The following GGA3 variants were observed in gnomAD, a reference collection of about 807,000 sequenced individuals.
GGA3 encodes golgi associated, gamma adaptin ear containing, ARF binding protein 3.
GGA3 carries 57 observed loss-of-function variants against 77.5 expected under a neutral mutation model. The observed-to-expected ratio is 0.74, with a 90% CI of 0.59 to 0.92. GGA3 has a LOEUF of 0.92. GGA3 is among the 40% of genes least tolerant of loss of function. The pLI is 0.00. For missense variants in GGA3, 970 were observed against 914.9 expected, an observed-to-expected ratio of 1.06 and a Z score of -0.78; for synonymous variants, 416 against 383.7, an observed-to-expected ratio of 1.08 and a Z score of -0.98.
In GGA3 at chr17:75,238,226, G is replaced by A. The variant is rs1035844287; in HGVS notation, c.*53C>T. On this transcript the variant is annotated 3_prime_UTR_variant, in exon 17 of 17. Coordinates refer to ENST00000537686, the MANE Select transcript of GGA3 (RefSeq NM_138619.4). ...GAGTGACGGGACCAGAGCCCTCCTCGTCTCAGGGCAGCCTGCCTGGCTTCA... is the reference window on the plus strand; with the variant it reads ...GAGTGACGGGACCAGAGCCCTCCTCATCTCAGGGCAGCCTGCCTGGCTTCA... 16 of 1,594,504 alleles carry A rather than the reference G, an allele frequency of 1.0e-5. No individual in the cohort carries two copies. The highest frequency in any genetic ancestry group is 5.6e-5 in the South Asian group (5 of 89,158).
chr17:75,253,631 T>C (rs1413334578), intron 1 of GGA3, among the ~76,000 whole-genome samples: 3 of 152,220 alleles, frequency 2.0e-5, no homozygotes, highest in African/African-American at 7.2e-5. Flanking sequence ...TAAGTCCCGC[T>C]TTTCTAGGGG....
At chr17:75,257,398 T>C (rs1030511890) in intron 1 of GGA3, among the ~76,000 whole-genome samples, 1 of 151,886 alleles carries the variant, frequency 6.6e-6, no homozygotes, top group Non-Finnish European at 1.5e-5. Context: ...TGGTTTACAC[T>C]GTTTCTCCAA....
At chr17:75,254,122 C>T (rs1036989300) in intron 1 of GGA3, among the ~76,000 whole-genome samples, 4 of 152,146 alleles carry the variant, frequency 2.6e-5, no homozygotes, top group Admixed American at 1.3e-4. Context: ...CCTCCCAAAT[C>T]CTCCTTCTTT....
chr17:75,240,834 C>T lies in GGA3; in HGVS notation c.1170G>A (p.Leu390=), dbSNP rs776444369. 39 of 1,612,426 alleles carry T rather than the reference C, an allele frequency of 2.4e-5. No homozygotes were observed. The highest frequency in any genetic ancestry group is 3.1e-5 in the Non-Finnish European group (37 of 1,179,718). The part of the protein sequence containing the change: ...PSSTSNALSW[L]DEELLCLGLA... ...CACCCAAGCAGAGTAGCTCCTCGTCCAGCCAGGAGAGGGCGTTGCTTGTGC... is the reference window on the plus strand; with the variant it reads ...CACCCAAGCAGAGTAGCTCCTCGTCTAGCCAGGAGAGGGCGTTGCTTGTGC... The change falls in exon 11 of 17, where the codon CTG becomes CTA. Residue 390 remains leucine, a synonymous_variant. Transcript: ENST00000537686.
At chr17:75,250,670 G>T (rs1418860283) in intron 1 of GGA3, among the ~76,000 whole-genome samples, 2 of 151,166 alleles carry the variant, frequency 1.3e-5, no homozygotes, top group Non-Finnish European at 2.9e-5. Context: ...GCTGAGGCTG[G>T]AGAACTGCTT....
chr17:75,261,616 A>T (rs753864268), upstream of GGA3: 1 of 1,531,304 alleles, frequency 6.5e-7, no homozygotes, highest in Non-Finnish European at 8.8e-7. Flanking sequence ...CGCGGCTTCA[A>T]AACTCGCGAG....
At chr17:75,245,191 C>T (rs1708236737) in intron 3 of GGA3, among the ~76,000 whole-genome samples, 1 of 152,208 alleles carries the variant, frequency 6.6e-6, no homozygotes, top group African/African-American at 2.4e-5. Context: ...CCTCCCTCCG[C>T]TTATCTCCCT....
At position 75,238,979 on chromosome 17, in the gene GGA3, C is replaced by T. The variant is rs1322878363; in HGVS notation, c.1885G>A (p.Val629Met). The T allele has an allele frequency of 1.9e-6, 3 of 1,613,532 alleles. No individual in the cohort carries two copies. The highest frequency in any genetic ancestry group is 2.5e-6 in the Non-Finnish European group (3 of 1,179,578). ...PGRPDVLVVV[V>M]SMLNTAPLPV... ...AAGGGAGCCGTGTTCAGCATGGACA[C>T]CACCACCACCAGCACGTCAGGTCGT... Residue 629 changes from valine to methionine, a missense_variant, in exon 15 of 17, where the codon GTG (valine) becomes ATG (methionine). By Grantham distance (21) the Val-to-Met change is conservative. Transcript: ENST00000537686.
chr17:75,257,932 G>A (rs1352809264), intron 1 of GGA3, among the ~76,000 whole-genome samples: 2 of 152,174 alleles, frequency 1.3e-5, no homozygotes, highest in Non-Finnish European at 2.9e-5. Context: ...TGACGTAACT[G>A]AAGATCCACA....
At chr17:75,242,126 T>G in intron 8 of GGA3, 2 of 622,494 alleles carry the variant, frequency 3.2e-6, no homozygotes, top group Non-Finnish European at 2.9e-6. Context: ...CATCTGGCCC[T>G]TACACCCTGG....
chr17:75,247,561 G>A (rs1172336943), intron 1 of GGA3, among the ~76,000 whole-genome samples: 1 of 152,016 alleles, frequency 6.6e-6, no homozygotes, highest in Non-Finnish European at 1.5e-5. Flanking sequence ...CGCGCCCAGC[G>A]AATATTTTCC....
At chr17:75,251,265 T>C (rs1423707722) in intron 1 of GGA3, among the ~76,000 whole-genome samples, 3 of 151,382 alleles carry the variant, frequency 2.0e-5, no homozygotes, top group African/African-American at 7.3e-5. Context: ...TGCCAGACCC[T>C]GGAGGGACTA....
chr17:75,237,093 G>A lies in GGA3; in HGVS notation c.*1186C>T, dbSNP rs777527893. 5.6e-5 allele frequency: 13 copies of A among 233,990 alleles called. No homozygotes were observed. Among genetic ancestry groups the A allele is most frequent in the Non-Finnish European group, 1.0e-4 (12 of 119,212 alleles). 14.5% of individuals were successfully genotyped at this position (233,990 alleles called of 1,614,324 possible). ...CAGCTGGTGATTTTTTTTTTGTGAC[G>A]GAGGCTTGGAGTACATGTCCCAGGA... On this transcript the variant is annotated 3_prime_UTR_variant, in exon 17 of 17. Transcript: ENST00000537686.
rs1011145106 is a variant in GGA3, at chr17:75,238,000, T to C, written c.*279A>G. ...CACCTACGCCAAGCCTGGGGGTCCA[T>C]GTTCCCGGGACAGCAGTGAAGTCAG... On this transcript the variant is annotated 3_prime_UTR_variant, in exon 17 of 17. Coordinates refer to ENST00000537686, the MANE Select transcript of GGA3 (RefSeq NM_138619.4). 15 of 1,207,344 alleles carry C rather than the reference T, an allele frequency of 1.2e-5. No individual in the cohort carries two copies. The highest frequency in any genetic ancestry group is 1.5e-5 in the Non-Finnish European group (15 of 972,044). 74.8% of individuals were successfully genotyped at this position (1,207,344 alleles called of 1,614,324 possible).
intron 15 of GGA3, 71 bp from the exon 16 acceptor site, chr17:75,238,833 C>T: frequency 1.3e-6 from 2 of 1,575,562 alleles, no homozygotes; most frequent in East Asian, 2.2e-5. Flanking sequence ...TGCACACACA[C>T]ACTGCCACCT....
intron 3 of GGA3, among the ~76,000 whole-genome samples, chr17:75,244,977 A>G (rs547001992): frequency 6.6e-6 from 1 of 152,186 alleles, no homozygotes; most frequent in East Asian, 1.9e-4. Flanking sequence ...CCCCGACCCC[A>G]AGAAGGCCTG....
chr17:75,257,895 G>A (rs950393739), intron 1 of GGA3, among the ~76,000 whole-genome samples: 1 of 152,158 alleles, frequency 6.6e-6, no homozygotes, highest in African/African-American at 2.4e-5. Context: ...CATCCCCTAT[G>A]ACTTGCACGT....
In GGA3 at chr17:75,239,424, A is replaced by G; in HGVS notation, c.1731T>C (p.Pro577=). 1 of 1,576,046 alleles carries G rather than the reference A, an allele frequency of 6.3e-7. No homozygotes were observed. The highest frequency in any genetic ancestry group is 8.6e-7 in the Non-Finnish European group (1 of 1,168,360). The change falls in exon 14 of 17, where the codon CCT becomes CCC. Residue 577 remains proline (P), a synonymous_variant. Transcript: ENST00000537686. ...FQSQGSPPKG[P]ELSLASIHVP... Reference sequence around the variant, plus strand: ...CGTGGATGCTGGCCAGGGAGAGCTCAGGCCCCTTCGGGGGGCTGCCCTGGG... The same window carrying G: ...CGTGGATGCTGGCCAGGGAGAGCTCGGGCCCCTTCGGGGGGCTGCCCTGGG...
intron 10 of GGA3, 68 bp downstream of exon 10, chr17:75,241,332 C>A: frequency 1.9e-6 from 2 of 1,037,770 alleles, no homozygotes. Flanking sequence ...AGCCTACACC[C>A]GCAGCTTCAT....
Sources: allele counts gnomAD v4.1 joint callset (sites outside exome capture counted in the v4.1 genomes callset), GRCh38; gene constraint gnomAD v4.1.1; transcripts MANE v1.5; gene names NCBI Gene and HGNC (gene_info 2026-07-23, HGNC 2026-07-21).